The following DNMT3L variants were observed in gnomAD, a reference collection of about 807,000 sequenced individuals.
DNMT3L encodes the protein DNA (cytosine-5)-methyltransferase 3-like.
In DNMT3L, 33 loss-of-function variants were observed where a neutral mutation model predicts 36.2. That is an observed-to-expected ratio of 0.91 (90% confidence interval 0.69 to 1.22). DNMT3L has a LOEUF of 1.22. DNMT3L is among the 50% of genes most tolerant of loss of function. The probability of loss-of-function intolerance (pLI) is 0.00; values close to 1 mark genes in which losing one functional copy is unlikely to be tolerated. For missense variants in DNMT3L, 310 were observed against 303.1 expected (o/e 1.02, Z -0.17); for synonymous variants, 117 against 121.7 (o/e 0.96, Z 0.26).
intron 5 of DNMT3L, 135 bp downstream of exon 5, chr21:44,259,302 T>G (rs1468913202): frequency 1.2e-5 from 11 of 899,300 alleles, no homozygotes; most frequent in Non-Finnish European, 1.7e-5. Flanking sequence ...AATGACGCAT[T>G]GGAGACAGAA....
intron 8 of DNMT3L, among the ~76,000 whole-genome samples, chr21:44,253,981 G>T (rs1002781753): frequency 2.0e-5 from 3 of 152,212 alleles, no homozygotes; most frequent in African/African-American, 7.2e-5. Flanking sequence ...GCATGGTGGG[G>T]TGGGGACAGC....
At position 44,254,656 on chromosome 21, in the gene DNMT3L, C is replaced by T. The variant is rs771291633; in HGVS notation, c.654G>A (p.Leu218=). The stretch of plus-strand genomic sequence containing the variant: ...TGTCTGTGACATCAACCACATGCTT[C>T]AGTTGTCCCGGGTCAGAACCACTTT... ...FLESGSDPGQ[L]KHVVDVTDTV... The change falls in exon 8 of 12, where the codon CTG becomes CTA. Residue 218 remains leucine, a synonymous_variant. Coordinates refer to ENST00000628202, the MANE Select transcript of DNMT3L (RefSeq NM_175867.3). 9.3e-6 allele frequency: 15 copies of T among 1,614,074 alleles called. No individual in the cohort carries two copies. In the South Asian group the frequency reaches 1.5e-4, roughly 17 times the overall value.
At position 44,259,429 on chromosome 21, in the gene DNMT3L, CG is replaced by C; in HGVS notation, c.344+7del. 2 of 1,613,380 alleles carry C rather than the reference CG, an allele frequency of 1.2e-6. No homozygotes were observed. Among genetic ancestry groups the C allele is most frequent in the Non-Finnish European group, 1.7e-6 (2 of 1,179,930 alleles). ...CCTTCACCCCCCTGGGCAGGCCCCT[CG>C]CCTCACCGGGTGCAATCAGGGTTTC... On this transcript the variant is annotated splice_region_variant and intron_variant, in intron 5 of 11. Transcript: ENST00000628202.
chr21:44,256,005 A>AG, intron 7 of DNMT3L, 62 bp downstream of exon 7: 1 of 1,573,474 alleles, frequency 6.4e-7, no homozygotes, highest in Non-Finnish European at 8.7e-7. Context: ...GGGTGGCCTG[A>AG]GGGGCAGTCA....
intron 6 of DNMT3L, among the ~76,000 whole-genome samples, chr21:44,256,582 G>A (rs546789335): frequency 3.3e-5 from 5 of 150,192 alleles, no homozygotes; most frequent in East Asian, 2.0e-4. Flanking sequence ...CCGCCACCAC[G>A]CCCGGCTAAT....
At chr21:44,261,044 C>T (rs1391585726) in intron 2 of DNMT3L, 110 bp downstream of exon 2, 14 of 1,433,610 alleles carry the variant, frequency 9.8e-6, no homozygotes, top group Admixed American at 3.6e-5. Context: ...TGCCCCAGCC[C>T]GGGTGCCTGA....
chr21:44,260,274 AG>A (rs2040305584), intron 3 of DNMT3L, among the ~76,000 whole-genome samples: 1 of 152,156 alleles, frequency 6.6e-6, no homozygotes, highest in Non-Finnish European at 1.5e-5. Flanking sequence ...GGAAGCAAGA[AG>A]GGGGAATTTG....
Position 44,258,724 on chromosome 21 carries a change from G to A in DNMT3L, c.345-30C>T. 6.2e-7 allele frequency: 1 copy of A among 1,604,552 alleles called. No homozygotes were observed. The highest frequency in any genetic ancestry group is 8.5e-7 in the Non-Finnish European group (1 of 1,174,102). On this transcript the variant is annotated intron_variant, in intron 5 of 11. Coordinates refer to ENST00000628202, the MANE Select transcript of DNMT3L (RefSeq NM_175867.3). This position sits in a 1 kb window ranked among gnomAD's most constrained non-coding sequence, Gnocchi z 6.2. ...GGCCAGACAGAAAACCACAGCAGCG[G>A]ACATGACAGCCCACCTCTCCTGAGG...
intron 2 of DNMT3L, 75 bp from the exon 3 acceptor site, chr21:44,260,914 C>T: frequency 1.2e-6 from 2 of 1,606,504 alleles, no homozygotes; most frequent in Non-Finnish European, 1.7e-6. Context: ...AGGAAGTGAG[C>T]ATCACAATTC....
intron 8 of DNMT3L, among the ~76,000 whole-genome samples, chr21:44,253,764 T>C (rs1238846971): frequency 6.6e-6 from 1 of 152,108 alleles, no homozygotes; most frequent in East Asian, 1.9e-4. Flanking sequence ...GATAGTCAAG[T>C]ATCAGAACCC....
At chr21:44,257,636 C>G (rs1434182324) in intron 6 of DNMT3L, among the ~76,000 whole-genome samples, 3 of 146,068 alleles carry the variant, frequency 2.1e-5, no homozygotes, top group Non-Finnish European at 3.0e-5. Flanking sequence ...AGCCGAGATC[C>G]CGCCACTGCA....
At chr21:44,254,503 C>A (rs1254865221) in intron 8 of DNMT3L, 114 bp downstream of exon 8, 9 of 1,208,092 alleles carry the variant, frequency 7.4e-6, no homozygotes, top group Non-Finnish European at 1.0e-5. Flanking sequence ...GTGTTCAGGA[C>A]TCCTCCCAGC....
Position 44,261,469 on chromosome 21 carries a change from A to C in DNMT3L, c.-7-203T>G, listed in dbSNP as rs542005929. Reference sequence around the variant, plus strand: ...CCAGTGCCAGCCCTGAGAGGGGCTCAAGGGTCCCCTGAGGCGTGCCCCCCA... The same window carrying C: ...CCAGTGCCAGCCCTGAGAGGGGCTCCAGGGTCCCCTGAGGCGTGCCCCCCA... On this transcript the variant is annotated intron_variant, in intron 1 of 11. Transcript: ENST00000628202. 2.2e-4 allele frequency among the ~76,000 whole-genome samples: 34 copies of C among 152,282 alleles called. No homozygotes were observed. In the East Asian group the frequency reaches 6.6e-3, roughly 29 times the overall value.
In DNMT3L at chr21:44,258,491, T is replaced by G; in HGVS notation, c.516+32A>C. 4 of 1,519,822 alleles carry G rather than the reference T, an allele frequency of 2.6e-6. No homozygotes were observed. Among genetic ancestry groups the G allele is most frequent in the South Asian group, 1.2e-5 (1 of 80,702 alleles). The allele number at this position is 1,519,822 out of a possible 1,614,324, so 94.1% of individuals were successfully genotyped here. Reference sequence around the variant, plus strand: ...AAGGCCGTAAGTCAGGGCCTGCTGCTGCCGGGTGCTGCCCCTCCACGGGCT... The same window carrying G: ...AAGGCCGTAAGTCAGGGCCTGCTGCGGCCGGGTGCTGCCCCTCCACGGGCT... On this transcript the variant is annotated intron_variant, in intron 6 of 11. Transcript: ENST00000628202. The surrounding 1 kb of genome is among the most constrained non-coding windows in gnomAD (Gnocchi z 6.2).
At chr21:44,259,261 C>G (rs2040293567) in intron 5 of DNMT3L, among the ~76,000 whole-genome samples, 176 bp downstream of exon 5, 2 of 152,296 alleles carry the variant, frequency 1.3e-5, no homozygotes, top group African/African-American at 4.8e-5. Context: ...ACCGTAGACA[C>G]CCGCCTCCCA....
rs946308044 is a variant in DNMT3L at position 44,258,162 on chromosome 21, G to A, written c.516+361C>T. On this transcript the variant is annotated intron_variant, in intron 6 of 11. Coordinates refer to ENST00000628202, the MANE Select transcript of DNMT3L (RefSeq NM_175867.3). This position sits in a 1 kb window ranked among gnomAD's most constrained non-coding sequence, Gnocchi z 6.2. Reference sequence around the variant, plus strand: ...TCTGCCTTTGTCTGAGGTTCCTGCCGGCCCCCCTGGCTCCTCGGCTGGACT... The same window carrying A: ...TCTGCCTTTGTCTGAGGTTCCTGCCAGCCCCCCTGGCTCCTCGGCTGGACT... Among the ~76,000 whole-genome samples the A allele has an allele frequency of 9.2e-5, 14 of 152,176 alleles. No homozygotes were observed. Among genetic ancestry groups the A allele is most frequent in the African/African-American group, 3.1e-4 (13 of 41,504 alleles).
chr21:44,255,784 C>T (rs1250123264), intron 7 of DNMT3L, among the ~76,000 whole-genome samples: 5 of 152,208 alleles, frequency 3.3e-5, no homozygotes, highest in African/African-American at 9.7e-5. Flanking sequence ...CTCTGAGACA[C>T]TTGTGGGCCT....
intron 6 of DNMT3L, among the ~76,000 whole-genome samples, chr21:44,256,670 G>A (rs2040261784): frequency 6.6e-6 from 1 of 152,012 alleles, no homozygotes. Context: ...CCAGAACCTC[G>A]GAGAAGAGAG....
intron 8 of DNMT3L, among the ~76,000 whole-genome samples, chr21:44,253,437 C>G (rs553664375): frequency 3.5e-4 from 53 of 151,736 alleles, no homozygotes; most frequent in Non-Finnish European, 5.7e-4. Flanking sequence ...AAATTAACAG[C>G]TGGACGTGGT....
Sources: allele counts gnomAD v4.1 joint callset (sites outside exome capture counted in the v4.1 genomes callset), GRCh38; gene constraint gnomAD v4.1.1; non-coding constraint Gnocchi (gnomAD v3.1); transcripts MANE v1.5; gene names NCBI Gene and HGNC (gene_info 2026-07-23, HGNC 2026-07-21).